The following AKAP6 variants were observed in gnomAD, a reference collection of about 807,000 sequenced individuals.
AKAP6 encodes the protein A-kinase anchor protein 6.
Under a neutral mutation model 188.5 loss-of-function variants are expected in AKAP6, and 58 were observed. That is an observed-to-expected ratio of 0.31 (90% confidence interval 0.25 to 0.38). The LOEUF (loss-of-function observed/expected upper bound fraction) is 0.38, where lower values mean the gene tolerates loss of function less well. Ranked by LOEUF, AKAP6 falls within the 10% of genes least tolerant of loss-of-function variation. The pLI is 1.00. For missense variants in AKAP6, 2,710 were observed against 2,740.0 expected, an observed-to-expected ratio of 0.99 and a Z score of 0.24; for synonymous variants, 989 against 998.6, an observed-to-expected ratio of 0.99 and a Z score of 0.18.
intron 2 of AKAP6, among the ~76,000 whole-genome samples, chr14:32,503,210 G>A (rs780643204): frequency 9.2e-5 from 14 of 151,956 alleles, no homozygotes; most frequent in Admixed American, 5.3e-4. Flanking sequence ...TATGTTTAAC[G>A]ATCATTTGTG....
chr14:32,533,935 T>C (rs919874130), intron 2 of AKAP6, among the ~76,000 whole-genome samples: 4 of 152,212 alleles, frequency 2.6e-5, no homozygotes, highest in Non-Finnish European at 4.4e-5. Flanking sequence ...GCTTCAAAGT[T>C]CATCTAGTTT....
At chr14:32,497,242 C>G (rs1423834106) in intron 2 of AKAP6, among the ~76,000 whole-genome samples, 1 of 151,994 alleles carries the variant, frequency 6.6e-6, no homozygotes, top group Non-Finnish European at 1.5e-5. Context: ...GAAACCTTTC[C>G]TCATGTTTAT....
At chr14:32,347,891 G>T (rs1241455491) in intron 1 of AKAP6, among the ~76,000 whole-genome samples, 2 of 152,242 alleles carry the variant, frequency 1.3e-5, no homozygotes, top group Admixed American at 6.5e-5. Flanking sequence ...AAGACAGTAT[G>T]TATCAGATTT....
intron 12 of AKAP6, among the ~76,000 whole-genome samples, chr14:32,782,091 G>T (rs1195590794): frequency 6.6e-6 from 1 of 151,600 alleles, no homozygotes; most frequent in Non-Finnish European, 1.5e-5. Flanking sequence ...CTTCAACCTG[G>T]GTGGTGGAGG....
intron 1 of AKAP6, among the ~76,000 whole-genome samples, chr14:32,418,210 G>A (rs1889723668): frequency 2.6e-5 from 4 of 152,162 alleles, no homozygotes; most frequent in African/African-American, 7.2e-5. Context: ...TCAATTATGA[G>A]AAACTATTGC....
chr14:32,679,037 C>T (rs969958221), intron 8 of AKAP6, among the ~76,000 whole-genome samples: 4 of 152,118 alleles, frequency 2.6e-5, no homozygotes, highest in Non-Finnish European at 4.4e-5. Context: ...AGACATACAG[C>T]TGTATTTATA....
At position 32,535,617 on chromosome 14, in the gene AKAP6, T is replaced by C. The variant is rs753688283; in HGVS notation, c.388T>C (p.Ser130Pro). ...QIHALLETEF[S>P]LKLLSYSVNV... ...CCATGCCCTCCTTGAAACAGAGTTC[T>C]CCCTAAAGCTGCTGTCTTACTCTGT... Residue 130 changes from serine to proline, a missense_variant, in exon 3 of 14, where the codon TCC becomes CCC. Ser to Pro is a moderately conservative substitution (Grantham distance 74, BLOSUM62 -1). This residue lies in a region of AKAP6 where 237 missense variants were observed against 313.9 expected (regional missense o/e 0.76). Coordinates refer to ENST00000280979, the MANE Select transcript of AKAP6 (RefSeq NM_004274.5). The C allele has an allele frequency of 6.2e-7, 1 of 1,614,204 alleles. No homozygotes were observed. The highest frequency in any genetic ancestry group is 2.2e-5 in the East Asian group (1 of 44,882).
At chr14:32,374,235 AC>A (rs60066563) in intron 1 of AKAP6, among the ~76,000 whole-genome samples, 13,362 of 152,224 alleles carry the variant, frequency 0.088, 964 homozygotes, top group African/African-American at 0.19. Flanking sequence ...AAAAACACAT[AC>A]GTAAGTATTA....
At chr14:32,404,207 A>G (rs559467282) in intron 1 of AKAP6, among the ~76,000 whole-genome samples, 136 of 152,270 alleles carry the variant, frequency 8.9e-4, no homozygotes, top group African/African-American at 3.2e-3. Context: ...AAAAAATGAA[A>G]TGCAAAGGAT....
chr14:32,494,513 G>A (rs1033103166), intron 2 of AKAP6: 4 of 152,148 alleles, frequency 2.6e-5, no homozygotes, highest in Non-Finnish European at 5.9e-5. Context: ...GTGTCACATT[G>A]TAAAGGAGAA....
Position 32,577,172 on chromosome 14 carries a change from A to G in AKAP6, c.2399A>G (p.Glu800Gly). ...ATTCAATGGTTAAATGAAGCCATGGAAACTACAGAAAATTGGACTCCCCCT... is the reference window on the plus strand; with the variant it reads ...ATTCAATGGTTAAATGAAGCCATGGGAACTACAGAAAATTGGACTCCCCCT... ...EFIQWLNEAM[E>G]TTENWTPPKA... is the part of the protein sequence containing the mutation. The change falls in exon 5 of 14, where the codon GAA (glutamate) becomes GGA (glycine). Residue 800 changes from glutamate (E) to glycine (G), a missense_variant. Around this residue, in one of 2 missense-constraint regions of AKAP6, gnomAD observed 2,473 missense variants for 2,426.1 expected, o/e 1.02. Coordinates refer to ENST00000280979, the MANE Select transcript of AKAP6 (RefSeq NM_004274.5). The G allele has an allele frequency of 6.2e-7, 1 of 1,612,702 alleles. No individual in the cohort carries two copies.
intron 1 of AKAP6, among the ~76,000 whole-genome samples, chr14:32,357,587 A>G (rs964327695): frequency 6.6e-6 from 1 of 152,236 alleles, no homozygotes; most frequent in Non-Finnish European, 1.5e-5. Flanking sequence ...ATTTAGAGAC[A>G]GAATTACTGA....
At chr14:32,363,240 C>T (rs1037861360) in intron 1 of AKAP6, among the ~76,000 whole-genome samples, 4 of 152,112 alleles carry the variant, frequency 2.6e-5, no homozygotes, top group African/African-American at 9.7e-5. Flanking sequence ...GCTGTGGGAA[C>T]ATGGGAAAAC....
intron 2 of AKAP6, among the ~76,000 whole-genome samples, chr14:32,505,558 A>G (rs1345737549): frequency 1.3e-5 from 2 of 152,208 alleles, no homozygotes; most frequent in Non-Finnish European, 2.9e-5. Context: ...ATGCTGTGCC[A>G]AGCCATATTG....
intron 7 of AKAP6, among the ~76,000 whole-genome samples, chr14:32,616,770 C>A: frequency 6.6e-6 from 1 of 152,128 alleles, no homozygotes; most frequent in African/African-American, 2.4e-5. Context: ...AAATTAGCCT[C>A]TTTTTTCAAA....
At chr14:32,677,801 A>C (rs1397186046) in intron 7 of AKAP6, among the ~76,000 whole-genome samples, 1 of 152,358 alleles carries the variant, frequency 6.6e-6, no homozygotes, top group East Asian at 1.9e-4. Context: ...AAAATTATTA[A>C]GACAGTAACA....
At position 32,386,559 on chromosome 14, in the gene AKAP6, C is replaced by T. The variant is rs115548232; in HGVS notation, c.-34-46901C>T. On this transcript the variant is annotated intron_variant, in intron 1 of 13. Transcript: ENST00000280979. Reference sequence around the variant, plus strand: ...ATTTTTTTCCCATTCTTGGGTTGTTCGTTTACTCTGCTGACTGTTTCTTTT... The same window carrying T: ...ATTTTTTTCCCATTCTTGGGTTGTTTGTTTACTCTGCTGACTGTTTCTTTT... 3.7e-3 allele frequency among the ~76,000 whole-genome samples: 564 copies of T among 152,034 alleles called. 4 individuals carry two copies. Among genetic ancestry groups the T allele is most frequent in the African/African-American group, 0.013 (543 of 41,476 alleles).
chr14:32,768,128 C>G (rs903008247), intron 11 of AKAP6, among the ~76,000 whole-genome samples: 9 of 152,158 alleles, frequency 5.9e-5, no homozygotes, highest in Non-Finnish European at 1.0e-4. Flanking sequence ...TGCCAACCTT[C>G]CCCCACAAAA....
chr14:32,437,106 A>G (rs957025814), intron 2 of AKAP6, among the ~76,000 whole-genome samples: 3 of 152,130 alleles, frequency 2.0e-5, no homozygotes, highest in African/African-American at 7.2e-5. Flanking sequence ...CCAAAGAAGC[A>G]TTGGGTTTGT....
Sources: gnomAD v4.1 joint callset for allele counts (sites outside exome capture counted in the v4.1 genomes callset) on GRCh38, gnomAD v4.1.1 for gene constraint, gnomAD v4.1.1 regional missense constraint, MANE v1.5 for transcripts, NCBI Gene and HGNC (gene_info 2026-07-23, HGNC 2026-07-21) for gene names.